The following PRKCG variants were observed in gnomAD, a reference collection of about 807,000 sequenced individuals.
PRKCG encodes protein kinase C gamma type.
In PRKCG, 28 loss-of-function variants were observed where a neutral mutation model predicts 82.0. That is an observed-to-expected ratio of 0.34 (90% CI 0.25 to 0.47). The LOEUF is 0.47. Among genes scored for constraint, PRKCG ranks in the 20% least tolerant of loss-of-function variants. The pLI, the probability that PRKCG is intolerant of heterozygous loss-of-function variation, is 1.00. For missense variants in PRKCG, 640 were observed against 952.7 expected, an observed-to-expected ratio of 0.67 and a Z score of 4.32; for synonymous variants, 383 against 376.6, an observed-to-expected ratio of 1.02 and a Z score of -0.20.
In PRKCG at chr19:53,882,678, G is replaced by A. The variant is rs751709579; in HGVS notation, c.170+14G>A. On this transcript the variant is annotated intron_variant, in intron 1 of 17. Transcript: ENST00000263431. The surrounding 1 kb of genome is among the most constrained non-coding windows in gnomAD (Gnocchi z 6.1). ...CGACTTCATCTGGTGAGGGAAGGGG[G>A]CTGGGGGACTGGGGGACGAGGGGAC... 30 of 1,611,042 alleles carry A rather than the reference G, an allele frequency of 1.9e-5. 1 individual carries two copies. Among genetic ancestry groups the A allele is most frequent in the Middle Eastern group, 2.2e-4 (1 of 4,530 alleles).
chr19:53,894,617 A>T (rs1449387376), intron 9 of PRKCG, among the ~76,000 whole-genome samples: 2 of 150,406 alleles, frequency 1.3e-5, no homozygotes, highest in Non-Finnish European at 3.0e-5. Context: ...GCACCACCAC[A>T]CCTGGCTAAT....
At position 53,889,525 on chromosome 19, in the gene PRKCG, T is replaced by C; in HGVS notation, c.286-113T>C. On this transcript the variant is annotated intron_variant, in intron 3 of 17. Transcript: ENST00000263431. This position sits in a 1 kb window ranked among gnomAD's most constrained non-coding sequence, Gnocchi z 4.4. Reference sequence around the variant, plus strand: ...TTATTGGTACATAGAGTGAAAGAGATGGAGCCTCAGGCTGACCTAGAGAGC... The same window carrying C: ...TTATTGGTACATAGAGTGAAAGAGACGGAGCCTCAGGCTGACCTAGAGAGC... 2.6e-6 allele frequency: 2 copies of C among 769,754 alleles called. No individual in the cohort carries two copies. Among genetic ancestry groups the C allele is most frequent in the Non-Finnish European group, 4.6e-6 (2 of 438,646 alleles). 47.7% of individuals were successfully genotyped at this position (769,754 alleles called of 1,614,324 possible). A position where few individuals can be genotyped will look rare whatever the true frequency, so the allele number is the denominator to read the frequency against.
At chr19:53,901,557 A>G (rs1169494082) in intron 14 of PRKCG, among the ~76,000 whole-genome samples, 1 of 148,794 alleles carries the variant, frequency 6.7e-6, no homozygotes, top group East Asian at 2.0e-4. Context: ...ATCTCAAAAA[A>G]AAAAAAAAAA....
In PRKCG at chr19:53,889,830, T is replaced by A. The variant is rs2068658645; in HGVS notation, c.398-56T>A. 6.4e-7 allele frequency: 1 copy of A among 1,556,728 alleles called. No individual in the cohort carries two copies. Among genetic ancestry groups the A allele is most frequent in the East Asian group, 2.4e-5 (1 of 41,722 alleles). The stretch of plus-strand genomic sequence containing the variant: ...GAAATGCCCGGGATGGGGTGGGGGG[T>A]GGAGTCTTGGCTTGGGGGCGGGGCC... On this transcript the variant is annotated intron_variant, in intron 4 of 17. Coordinates refer to ENST00000263431, the MANE Select transcript of PRKCG (RefSeq NM_002739.5). The surrounding 1 kb of genome is among the most constrained non-coding windows in gnomAD (Gnocchi z 4.4).
rs1360248213 is a variant in PRKCG at position 53,906,456 on chromosome 19, C to G, written c.1904C>G (p.Pro635Arg). 6.4e-7 allele frequency: 1 copy of G among 1,574,656 alleles called. No individual in the cohort carries two copies. The highest frequency in any genetic ancestry group is 8.6e-7 in the Non-Finnish European group (1 of 1,159,424). The change falls in exon 17 of 18, where the codon CCG (proline) becomes CGG (arginine). Residue 635 changes from proline (P) to arginine (R), a missense_variant and splice_region_variant. Around this residue, in one of 7 missense-constraint regions of PRKCG, gnomAD observed 198 missense variants for 273.4 expected, o/e 0.72. Coordinates refer to ENST00000263431, the MANE Select transcript of PRKCG (RefSeq NM_002739.5). ...ATCCCGCCTCCTTTCAGACCCCGCC[C>G]GGTCAGTCACCCTCCAGGCAACAAA... ...LEIPPPFRPR[P>R]CGRSGENFDK...
At position 53,907,350 on chromosome 19, in the gene PRKCG, G is replaced by A; in HGVS notation, c.*455G>A. Reference sequence around the variant, plus strand: ...CCGCCTCCACTCTAGTTCTAGATGAGTGGGAGGCGTGCCCCCCTCCTCCAG... The same window carrying A: ...CCGCCTCCACTCTAGTTCTAGATGAATGGGAGGCGTGCCCCCCTCCTCCAG... On this transcript the variant is annotated 3_prime_UTR_variant, in exon 18 of 18. Transcript: ENST00000263431. 1 of 221,288 alleles carries A rather than the reference G, an allele frequency of 4.5e-6. No individual in the cohort carries two copies. The highest frequency in any genetic ancestry group is 1.9e-3 in the Middle Eastern group (1 of 514). 13.7% of individuals were successfully genotyped at this position (221,288 alleles called of 1,614,324 possible).
intron 9 of PRKCG, among the ~76,000 whole-genome samples, chr19:53,896,757 G>A (rs2123006309): frequency 6.6e-6 from 1 of 152,316 alleles, no homozygotes; most frequent in Admixed American, 6.5e-5. Flanking sequence ...GAGGTAGGCA[G>A]TGTTACTGTG....
In PRKCG at chr19:53,882,439, C is replaced by A. The variant is rs2068599382; in HGVS notation, c.-56C>A. The stretch of plus-strand genomic sequence containing the variant: ...TTCGAGTCTCCAGCTCCTCTCCCTT[C>A]CACCTGTTTCCCCCAAGAAAGGCAG... On this transcript the variant is annotated 5_prime_UTR_variant, in exon 1 of 18. Transcript: ENST00000263431. This position sits in a 1 kb window ranked among gnomAD's most constrained non-coding sequence, Gnocchi z 6.1. 1 of 1,586,120 alleles carries A rather than the reference C, an allele frequency of 6.3e-7. No homozygotes were observed. Among genetic ancestry groups the A allele is most frequent in the South Asian group, 1.1e-5 (1 of 87,924 alleles).
upstream of PRKCG, chr19:53,882,142 C>T (rs955087576): frequency 6.1e-6 from 2 of 328,916 alleles, no homozygotes; most frequent in Non-Finnish European, 1.1e-5. The surrounding 1 kb of genome is among the most constrained non-coding windows in gnomAD (Gnocchi z 6.1). Flanking sequence ...GCCTTTAAGC[C>T]GAAACCCCGC....
At chr19:53,906,108 TC>T (rs1310835807) in intron 16 of PRKCG, among the ~76,000 whole-genome samples, 1 of 91,640 alleles carries the variant, frequency 1.1e-5, no homozygotes, top group African/African-American at 9.8e-5. Context: ...TTCTTCTTCT[TC>T]TTCTTCTTCT....
chr19:53,884,631 A>G lies in PRKCG; in HGVS notation c.285+388A>G, dbSNP rs1226063661. Among the ~76,000 whole-genome samples, 1 of 152,138 alleles carries G rather than the reference A, an allele frequency of 6.6e-6. No individual in the cohort carries two copies. Among genetic ancestry groups the G allele is most frequent in the Admixed American group, 6.5e-5 (1 of 15,270 alleles). ...ATCTCAGGGAGAGGAACAGAGACAGAAGAAGACAGAGACCTAGGAGAGACT... is the reference window on the plus strand; with the variant it reads ...ATCTCAGGGAGAGGAACAGAGACAGGAGAAGACAGAGACCTAGGAGAGACT... On this transcript the variant is annotated intron_variant, in intron 3 of 17. Transcript: ENST00000263431. The surrounding 1 kb of genome is among the most constrained non-coding windows in gnomAD (Gnocchi z 4.6).
At position 53,892,031 on chromosome 19, in the gene PRKCG, G is replaced by A. The variant is rs1270577718; in HGVS notation, c.686+201G>A. ...GAAACGGAGAGACAGCCAGACCACTGTATAATTAGTCTCCATTGAAGCCCC... is the reference window on the plus strand; with the variant it reads ...GAAACGGAGAGACAGCCAGACCACTATATAATTAGTCTCCATTGAAGCCCC... On this transcript the variant is annotated intron_variant, in intron 6 of 17. Transcript: ENST00000263431. This position sits in a 1 kb window ranked among gnomAD's most constrained non-coding sequence, Gnocchi z 5.9. 6.6e-6 allele frequency among the ~76,000 whole-genome samples: 1 copy of A among 152,194 alleles called. No homozygotes were observed. Among genetic ancestry groups the A allele is most frequent in the Non-Finnish European group, 1.5e-5 (1 of 68,034 alleles).
chr19:53,894,160 G>C (rs1376030232), intron 9 of PRKCG, among the ~76,000 whole-genome samples: 2 of 152,090 alleles, frequency 1.3e-5, no homozygotes, highest in Non-Finnish European at 2.9e-5. Context: ...CCGCCTCCTG[G>C]GTTCACGCCA....
chr19:53,885,274 G>C (rs1440088836), intron 3 of PRKCG, among the ~76,000 whole-genome samples: 2 of 152,066 alleles, frequency 1.3e-5, no homozygotes, highest in African/African-American at 4.8e-5. Flanking sequence ...TGTTGCCCAA[G>C]CTGGAGTGCA....
chr19:53,890,727 G>T (rs1004934493), intron 5 of PRKCG, among the ~76,000 whole-genome samples: 1 of 149,638 alleles, frequency 6.7e-6, no homozygotes, highest in Non-Finnish European at 1.5e-5. Context: ...AATTACAGGC[G>T]CCTGCCACCA....
At position 53,892,235 on chromosome 19, in the gene PRKCG, C is replaced by T. The variant is rs1004461421; in HGVS notation, c.687-274C>T. On this transcript the variant is annotated intron_variant, in intron 6 of 17. Coordinates refer to ENST00000263431, the MANE Select transcript of PRKCG (RefSeq NM_002739.5). The surrounding 1 kb of genome is among the most constrained non-coding windows in gnomAD (Gnocchi z 5.9). ...CAGAGAGGAGAGAAGGGTACAGAGA[C>T]TCAGAGAGAGAGATCTCGAGAGACA... Among the ~76,000 whole-genome samples the T allele has an allele frequency of 6.6e-6, 1 of 151,990 alleles. No individual in the cohort carries two copies. The highest frequency in any genetic ancestry group is 2.4e-5 in the African/African-American group (1 of 41,376).
intron 9 of PRKCG, among the ~76,000 whole-genome samples, chr19:53,896,014 C>G (rs922202925): frequency 1.5e-4 from 22 of 149,008 alleles, no homozygotes; most frequent in African/African-American, 2.5e-5. Context: ...GAGCCGAGAT[C>G]GTGCCACTGC....
At chr19:53,903,303 GTGTTTTGTTT>G (rs112181322) in intron 15 of PRKCG, 150 bp downstream of exon 15, 21 of 744,312 alleles carry the variant, frequency 2.8e-5, no homozygotes, top group South Asian at 8.5e-5. Flanking sequence ...TGTAGACCAG[GTGTTTTGTTT>G]TGTTTTGTTT....
Position 53,900,151 on chromosome 19 carries a change from G to A in PRKCG, c.1282-82G>A, listed in dbSNP as rs536153167. ...GTTGGGTGCATCTGGAACCTTCCAC[G>A]TCTGTCCTGAGTGATCAGGAAAGAA... On this transcript the variant is annotated intron_variant, in intron 11 of 17. Coordinates refer to ENST00000263431, the MANE Select transcript of PRKCG (RefSeq NM_002739.5). The surrounding 1 kb of genome is among the most constrained non-coding windows in gnomAD (Gnocchi z 4.2). 116 of 1,334,646 alleles carry A rather than the reference G, an allele frequency of 8.7e-5. No individual in the cohort carries two copies. The highest frequency in any genetic ancestry group is 1.5e-4 in the Admixed American group (9 of 59,618). 82.7% of individuals were successfully genotyped at this position (1,334,646 alleles called of 1,614,324 possible). A position where few individuals can be genotyped will look rare whatever the true frequency, so the allele number is the denominator to read the frequency against.
Sources: gnomAD v4.1 joint callset for allele counts (sites outside exome capture counted in the v4.1 genomes callset) on GRCh38, gnomAD v4.1.1 for gene constraint, gnomAD v4.1.1 regional missense constraint, Gnocchi (gnomAD v3.1) non-coding constraint, MANE v1.5 for transcripts, NCBI Gene and HGNC (gene_info 2026-07-23, HGNC 2026-07-21) for gene names.